Variants in HIVEP2 observed in about 807,000 individuals in gnomAD.
The protein encoded by HIVEP2 is transcription factor HIVEP2.
HIVEP2 carries 14 observed loss-of-function variants against 180.7 expected under a neutral mutation model. The observed-to-expected ratio is 0.08, with a 90% CI of 0.05 to 0.12. The LOEUF is 0.12. Among genes scored for constraint, HIVEP2 ranks in the 10% least tolerant of loss-of-function variants. The pLI is 1.00. For synonymous variants in HIVEP2, 1,184 were observed against 1,136.4 expected (o/e 1.04, Z -0.84); for missense variants, 2,579 against 3,008.5 (o/e 0.86, Z 3.34).
intron 1 of HIVEP2, among the ~76,000 whole-genome samples, chr6:142,906,901 GATATA>G (rs1777276497): frequency 6.6e-6 from 1 of 152,144 alleles, no homozygotes; most frequent in South Asian, 2.1e-4. Context: ...CTTTATTGGT[GATATA>G]ATATTGCTTT....
intron 7 of HIVEP2, among the ~76,000 whole-genome samples, chr6:142,763,870 G>A (rs1239272601): frequency 1.3e-5 from 2 of 152,084 alleles, no homozygotes; most frequent in Non-Finnish European, 2.9e-5. Context: ...TATGTTGAGA[G>A]GCTACCCATT....
At chr6:142,862,904 TA>T (rs1432519705) in intron 1 of HIVEP2, among the ~76,000 whole-genome samples, 2 of 32,702 alleles carry the variant, frequency 6.1e-5, no homozygotes, top group South Asian at 8.8e-4. Flanking sequence ...TAATAGATTA[TA>T]TGTATTATAT....
chr6:142,874,879 G>A (rs1776389558), intron 1 of HIVEP2, among the ~76,000 whole-genome samples: 1 of 152,140 alleles, frequency 6.6e-6, no homozygotes, highest in Admixed American at 6.5e-5. Flanking sequence ...TTGGTTTACA[G>A]ATAAGGAAGC....
chr6:142,845,912 T>C (rs1205079310), intron 1 of HIVEP2, among the ~76,000 whole-genome samples: 1 of 152,218 alleles, frequency 6.6e-6, no homozygotes, highest in Admixed American at 6.5e-5. Context: ...GCTAAGCGAC[T>C]GGGGACAGCC....
intron 1 of HIVEP2, among the ~76,000 whole-genome samples, chr6:142,918,629 C>A (rs1284732361): frequency 2.6e-5 from 4 of 152,140 alleles, no homozygotes; most frequent in Non-Finnish European, 4.4e-5. Flanking sequence ...TGAAGCACAG[C>A]TGTAAAAATA....
intron 1 of HIVEP2, among the ~76,000 whole-genome samples, chr6:142,871,156 G>T (rs186713599): frequency 6.6e-6 from 1 of 152,272 alleles, no homozygotes; most frequent in East Asian, 1.9e-4. Flanking sequence ...TGAATTACTG[G>T]TATGTTTGAT....
chr6:142,768,744 T>C (rs556873176), intron 5 of HIVEP2, among the ~76,000 whole-genome samples: 1 of 151,054 alleles, frequency 6.6e-6, no homozygotes, highest in South Asian at 2.1e-4. Flanking sequence ...GTTACAGCTA[T>C]ATATAATAAG....
chr6:142,819,849 T>C (rs1307086069), intron 2 of HIVEP2, among the ~76,000 whole-genome samples: 1 of 152,198 alleles, frequency 6.6e-6, no homozygotes, highest in Middle Eastern at 3.2e-3. Flanking sequence ...TTCCACTTTC[T>C]GGCTCCCAAA....
chr6:142,860,733 G>A (rs901630882), intron 1 of HIVEP2, among the ~76,000 whole-genome samples: 5 of 152,110 alleles, frequency 3.3e-5, no homozygotes, highest in African/African-American at 4.8e-5. Context: ...GGTAATGCTC[G>A]CTCACCTCCA....
At chr6:142,777,688 A>G (rs892986689) in intron 3 of HIVEP2, among the ~76,000 whole-genome samples, 1 of 123,254 alleles carries the variant, frequency 8.1e-6, no homozygotes, top group Non-Finnish European at 1.7e-5. Context: ...AAAAAAAAAA[A>G]GTGGAACCTG....
At chr6:142,822,730 G>C (rs1484492017) in intron 2 of HIVEP2, among the ~76,000 whole-genome samples, 2 of 152,140 alleles carry the variant, frequency 1.3e-5, no homozygotes, top group Non-Finnish European at 2.9e-5. Context: ...CCTCCACAGA[G>C]AAGATTCACA....
intron 3 of HIVEP2, among the ~76,000 whole-genome samples, chr6:142,778,674 A>G (rs1285816071): frequency 6.6e-6 from 1 of 152,120 alleles, no homozygotes; most frequent in African/African-American, 2.4e-5. Flanking sequence ...TTATACCTCT[A>G]TGCTAAGGGT....
rs990881081 is a variant in HIVEP2, at chr6:142,768,261, AG to A, written c.5342+120del. ...CCAGCCAGAGTTCAGAACTGTGAATAGAAAAGGAATTTACTTTCAGCTTTCA... is the reference window on the plus strand; with the variant it reads ...CCAGCCAGAGTTCAGAACTGTGAATAAAAAGGAATTTACTTTCAGCTTTCA... On this transcript the variant is annotated intron_variant, in intron 6 of 9. Coordinates refer to ENST00000367603, the MANE Select transcript of HIVEP2 (RefSeq NM_006734.4). 3.6e-5 allele frequency: 32 copies of A among 890,464 alleles called. No homozygotes were observed. The African/African-American group carries it at 4.8e-4, about 13-fold the overall frequency. The allele number at this position is 890,464 out of a possible 1,614,324, so 55.2% of individuals were successfully genotyped here.
chr6:142,774,781 T>C lies in HIVEP2; in HGVS notation c.-43A>G. 1.3e-6 allele frequency: 2 copies of C among 1,589,728 alleles called. No individual in the cohort carries two copies. Among genetic ancestry groups the C allele is most frequent in the Non-Finnish European group, 1.7e-6 (2 of 1,167,978 alleles). ...TAAGTGCTAGTTCCCCTGAAAGCAG[T>C]GCAGACTCATGGAGTGTCTCCAAAG... On this transcript the variant is annotated 5_prime_UTR_variant, in exon 5 of 10. Transcript: ENST00000367603. This position sits in a 1 kb window ranked among gnomAD's most constrained non-coding sequence, Gnocchi z 5.1.
At chr6:142,849,624 C>T (rs942402045) in intron 1 of HIVEP2, among the ~76,000 whole-genome samples, 8 of 152,024 alleles carry the variant, frequency 5.3e-5, no homozygotes, top group Non-Finnish European at 7.4e-5. Context: ...AAGCCATCCT[C>T]CCACCTCAGC....
rs917979488 is a variant in HIVEP2, at chr6:142,889,363, A to G, written c.-640-52316T>C. Among the ~76,000 whole-genome samples, 16 of 152,130 alleles carry G rather than the reference A, an allele frequency of 1.1e-4. 1 individual carries two copies. Among genetic ancestry groups the G allele is most frequent in the African/African-American group, 3.4e-4 (14 of 41,430 alleles). ...CTGTAGCCCTAGCTACTTGGGAAGC[A>G]GAGGCGGTAAGATCACTTAAGGAAT... On this transcript the variant is annotated intron_variant, in intron 1 of 9. Transcript: ENST00000367603.
intron 1 of HIVEP2, among the ~76,000 whole-genome samples, chr6:142,895,507 C>T (rs944601623): frequency 2.6e-5 from 4 of 152,146 alleles, no homozygotes; most frequent in African/African-American, 9.7e-5. Flanking sequence ...TACATTTTTT[C>T]AGCAAGTTGC....
intron 2 of HIVEP2, among the ~76,000 whole-genome samples, chr6:142,794,940 G>C (rs1776246986): frequency 6.6e-6 from 1 of 152,118 alleles, no homozygotes; most frequent in Non-Finnish European, 1.5e-5. Context: ...GAATTAAAGA[G>C]CCTGAAAATC....
At position 142,783,906 on chromosome 6, in the gene HIVEP2, G is replaced by A. The variant is rs553523990; in HGVS notation, c.-527-291C>T. The stretch of plus-strand genomic sequence containing the variant: ...TAGAAATTGTGTCATTGTAGTCCAT[G>A]ATACGGTTCTGCCACAAAGCTGAGA... On this transcript the variant is annotated intron_variant, in intron 2 of 9. Coordinates refer to ENST00000367603, the MANE Select transcript of HIVEP2 (RefSeq NM_006734.4). Among the ~76,000 whole-genome samples the A allele has an allele frequency of 9.8e-5, 15 of 152,300 alleles. No homozygotes were observed. The South Asian group carries it at 3.1e-3, about 32-fold the overall frequency.
Sources: allele counts gnomAD v4.1 joint callset (sites outside exome capture counted in the v4.1 genomes callset), GRCh38; gene constraint gnomAD v4.1.1; non-coding constraint Gnocchi (gnomAD v3.1); transcripts MANE v1.5; gene names NCBI Gene and HGNC (gene_info 2026-07-23, HGNC 2026-07-21).